REV3L: variants seen among roughly 807,000 people sequenced by gnomAD.
REV3L encodes REV3 like, DNA directed polymerase zeta catalytic subunit, also known as DNA polymerase zeta catalytic subunit.
In REV3L, 69 loss-of-function variants were observed where a neutral mutation model predicts 299.4. The observed-to-expected ratio is 0.23, with a 90% CI of 0.19 to 0.28. The LOEUF is 0.28. Ranked by LOEUF, REV3L falls within the 10% of genes least tolerant of loss-of-function variation. The pLI is 1.00. For missense variants in REV3L, 3,128 were observed against 3,693.8 expected, an observed-to-expected ratio of 0.85 and a Z score of 3.97; for synonymous variants, 1,238 against 1,271.4, an observed-to-expected ratio of 0.97 and a Z score of 0.56.
At chr6:111,409,127 C>A (rs896484296) in intron 3 of REV3L, among the ~76,000 whole-genome samples, 4 of 152,152 alleles carry the variant, frequency 2.6e-5, no homozygotes, top group Non-Finnish European at 4.4e-5. Context: ...CAGAAGATAG[C>A]TGGATTATTA....
chr6:111,441,287 C>CT (rs1788237749), intron 1 of REV3L, among the ~76,000 whole-genome samples: 1 of 152,116 alleles, frequency 6.6e-6, no homozygotes, highest in Non-Finnish European at 1.5e-5. Context: ...GGGTCTCGCT[C>CT]TGTCACTCAG....
chr6:111,456,609 T>G (rs1381661818), intron 1 of REV3L, among the ~76,000 whole-genome samples: 1 of 152,270 alleles, frequency 6.6e-6, no homozygotes, highest in East Asian at 1.9e-4. Context: ...TCCTATTAGG[T>G]AAAGCAGAGA....
intron 13 of REV3L, 22 bp from the exon 14 acceptor site, chr6:111,368,050 C>T: frequency 6.5e-7 from 1 of 1,543,956 alleles, no homozygotes; most frequent in Non-Finnish European, 8.7e-7. Context: ...TATTTTAGAA[C>T]AACTGTTTTG....
At chr6:111,389,454 G>A (rs899061633) in intron 6 of REV3L, among the ~76,000 whole-genome samples, 1 of 152,166 alleles carries the variant, frequency 6.6e-6, no homozygotes, top group African/African-American at 2.4e-5. Flanking sequence ...ATAGACCTAA[G>A]AGTCCCTTTG....
Position 111,471,963 on chromosome 6 carries a change from C to G in REV3L, c.139+10787G>C. 8.4e-6 allele frequency: 9 copies of G among 1,077,220 alleles called. No individual in the cohort carries two copies. The South Asian group carries it at 1.8e-4, about 21-fold the overall frequency. The allele number at this position is 1,077,220 out of a possible 1,614,324, so 66.7% of individuals were successfully genotyped here. A position where few individuals can be genotyped will look rare whatever the true frequency, so the allele number is the denominator to read the frequency against. The stretch of plus-strand genomic sequence containing the variant: ...ATTTACCAACTTCAATGCCAAGGCT[C>G]ACCCCCACCCCCCTCACCCCCAATA... On this transcript the variant is annotated intron_variant, in intron 1 of 31. Coordinates refer to ENST00000368802, the MANE Select transcript of REV3L (RefSeq NM_001372078.1).
chr6:111,311,500 T>C (rs1772967895), intron 28 of REV3L: 1 of 326,540 alleles, frequency 3.1e-6, no homozygotes. Context: ...TGGAATGACA[T>C]GCAAATTAAC....
rs781170062 is a variant in REV3L, at chr6:111,376,033, A to G, written c.2322T>C (p.Ile774=). ...TATGTTCTTGAAATTCTTCATACCT[A>G]ATTTTAAGTTTATTTAGTCCACTTT... ...ADESGLNKLK[I]RYEEFQEHKT... Residue 774 remains isoleucine (I), a synonymous_variant, in exon 13 of 32, where the codon ATT becomes ATC. Transcript: ENST00000368802. The G allele has an allele frequency of 1.2e-6, 2 of 1,613,868 alleles. No individual in the cohort carries two copies. The highest frequency in any genetic ancestry group is 1.7e-6 in the Non-Finnish European group (2 of 1,179,894).
At chr6:111,343,701 T>C (rs1307821624) in intron 21 of REV3L, among the ~76,000 whole-genome samples, 1 of 152,164 alleles carries the variant, frequency 6.6e-6, no homozygotes, top group Admixed American at 6.5e-5. Context: ...GGCCAATTTT[T>C]GTATTTTTAG....
intron 1 of REV3L, among the ~76,000 whole-genome samples, chr6:111,475,330 A>T (rs1210492556): frequency 6.6e-6 from 1 of 152,212 alleles, no homozygotes; most frequent in East Asian, 1.9e-4. Context: ...ATATTCTTAG[A>T]TATTTATTTG....
intron 1 of REV3L, among the ~76,000 whole-genome samples, chr6:111,439,581 G>A (rs1787999141): frequency 6.6e-6 from 1 of 152,182 alleles, no homozygotes; most frequent in African/African-American, 2.4e-5. Flanking sequence ...TGAGCTGCAT[G>A]AAAACAAAAG....
chr6:111,394,414 C>T (rs1782255854), intron 4 of REV3L, among the ~76,000 whole-genome samples: 1 of 152,098 alleles, frequency 6.6e-6, no homozygotes, highest in Admixed American at 6.6e-5. Flanking sequence ...AAAAATATAC[C>T]TGCCGGCCAT....
chr6:111,395,059 C>T (rs1211193241), intron 4 of REV3L, among the ~76,000 whole-genome samples: 4 of 152,056 alleles, frequency 2.6e-5, no homozygotes, highest in African/African-American at 7.2e-5. Flanking sequence ...TTATTTTGCT[C>T]AGCCTGTGTG....
At chr6:111,481,440 A>G (rs1283303871) in intron 1 of REV3L, among the ~76,000 whole-genome samples, 3 of 152,268 alleles carry the variant, frequency 2.0e-5, no homozygotes, top group Non-Finnish European at 2.9e-5. Context: ...TTCAAGGTTC[A>G]TATCAAAATC....
intron 25 of REV3L, among the ~76,000 whole-genome samples, chr6:111,326,069 G>T (rs1351607366): frequency 1.3e-5 from 2 of 152,020 alleles, no homozygotes; most frequent in African/African-American, 4.8e-5. Context: ...ATGTCCTTCA[G>T]TTCCATCCAT....
rs1174409585 is a variant in REV3L at position 111,375,901 on chromosome 6, T to A, written c.2454A>T (p.Thr818=). Residue 818 remains threonine (T), a synonymous_variant, in exon 13 of 32, where the codon ACA becomes ACT. Coordinates refer to ENST00000368802, the MANE Select transcript of REV3L (RefSeq NM_001372078.1). ...GTTTATTGCCAGGTTGTAATTTATA[T>A]GTGACAGGAGATAGTTTCTGTGGTC... ...LTRPQKLSPV[T]YKLQPGNKPS... is the part of the protein sequence containing the mutation. 1.2e-6 allele frequency: 2 copies of A among 1,613,920 alleles called. No homozygotes were observed. The highest frequency in any genetic ancestry group is 1.3e-5 in the African/African-American group (1 of 74,924).
chr6:111,412,077 ATTATT>A (rs1784306238), intron 2 of REV3L: 4 of 984,672 alleles, frequency 4.1e-6, no homozygotes, highest in South Asian at 4.7e-5. Flanking sequence ...GCTGTTTATT[ATTATT>A]TTATAAGTTC....
intron 1 of REV3L, among the ~76,000 whole-genome samples, chr6:111,442,638 GT>G (rs1303270400): frequency 1.3e-5 from 2 of 152,104 alleles, no homozygotes; most frequent in African/African-American, 4.8e-5. Flanking sequence ...TTGAGGTTAT[GT>G]TTTGCCATTT....
At chr6:111,471,748 T>C (rs924123219) in intron 1 of REV3L, among the ~76,000 whole-genome samples, 3 of 152,166 alleles carry the variant, frequency 2.0e-5, no homozygotes, top group Admixed American at 6.5e-5. Context: ...GTGGGGCCCA[T>C]GAAGGTAGTG....
At chr6:111,418,637 G>A (rs1785009093) in intron 1 of REV3L, among the ~76,000 whole-genome samples, 1 of 152,168 alleles carries the variant, frequency 6.6e-6, no homozygotes, top group African/African-American at 2.4e-5. Context: ...TTAAGCAATA[G>A]AATCCAGCTC....
Sources: allele counts gnomAD v4.1 joint callset (sites outside exome capture counted in the v4.1 genomes callset), GRCh38; gene constraint gnomAD v4.1.1; transcripts MANE v1.5; gene names NCBI Gene and HGNC (gene_info 2026-07-23, HGNC 2026-07-21).